The following VAV3 variants were observed in gnomAD, a reference collection of about 807,000 sequenced individuals.
VAV3 encodes the protein guanine nucleotide exchange factor VAV3.
VAV3 carries 94 observed loss-of-function variants against 131.2 expected under a neutral mutation model. The ratio of observed to expected loss-of-function variants is 0.72; its 90% CI spans 0.61 to 0.85. The LOEUF (loss-of-function observed/expected upper bound fraction) is 0.85, where lower values mean the gene tolerates loss of function less well. Ranked by LOEUF, VAV3 falls within the 40% of genes least tolerant of loss-of-function variation. VAV3 has a pLI of 0.00. For missense variants in VAV3, 939 were observed against 1,002.7 expected (o/e 0.94, Z 0.86); for synonymous variants, 349 against 342.0 (o/e 1.02, Z -0.22).
At chr1:107,817,534 G>A (rs1182183580) in intron 2 of VAV3, among the ~76,000 whole-genome samples, 1 of 152,172 alleles carries the variant, frequency 6.6e-6, no homozygotes, top group Non-Finnish European at 1.5e-5. Context: ...AAGCTCATGA[G>A]GAGCAGAGGA....
intron 2 of VAV3, among the ~76,000 whole-genome samples, chr1:107,800,061 A>G (rs1455843265): frequency 2.6e-5 from 4 of 152,306 alleles, no homozygotes; most frequent in African/African-American, 2.4e-5. Flanking sequence ...CATTGTGTAC[A>G]TATATCACAT....
intron 5 of VAV3, 93 bp downstream of exon 5, chr1:107,772,642 A>G: frequency 1.8e-6 from 2 of 1,114,566 alleles, no homozygotes; most frequent in Non-Finnish European, 2.6e-6. Context: ...AAGGTTAAAA[A>G]AAATCCCAGC....
intron 17 of VAV3, among the ~76,000 whole-genome samples, chr1:107,699,824 T>A (rs998420333): frequency 1.3e-5 from 2 of 152,058 alleles, no homozygotes; most frequent in Non-Finnish European, 1.5e-5. Flanking sequence ...AAATACAGCA[T>A]GGACAAGTGG....
chr1:107,573,833 G>A (rs146784491), intron 26 of VAV3, among the ~76,000 whole-genome samples: 1 of 152,298 alleles, frequency 6.6e-6, no homozygotes, highest in African/African-American at 2.4e-5. Flanking sequence ...TTGCCCAGGT[G>A]AATTTTATTT....
At chr1:107,729,233 C>T (rs892194953) in intron 15 of VAV3, among the ~76,000 whole-genome samples, 2 of 151,966 alleles carry the variant, frequency 1.3e-5, no homozygotes, top group African/African-American at 4.8e-5. Flanking sequence ...AAATATTCTC[C>T]GAGAAGAAGC....
intron 17 of VAV3, among the ~76,000 whole-genome samples, chr1:107,699,913 C>T (rs534689785): frequency 2.0e-5 from 3 of 152,204 alleles, no homozygotes; most frequent in South Asian, 2.1e-4. Flanking sequence ...AGGGCGATTC[C>T]GGCTAAACTG....
intron 2 of VAV3, among the ~76,000 whole-genome samples, chr1:107,861,848 AAAGCCT>A (rs1557887627): frequency 6.6e-6 from 1 of 151,700 alleles, no homozygotes; most frequent in East Asian, 1.9e-4. Flanking sequence ...GTAGCAAGGT[AAAGCCT>A]ATACCTAAGG....
chr1:107,602,111 A>G (rs1440996125), intron 24 of VAV3, among the ~76,000 whole-genome samples: 1 of 152,130 alleles, frequency 6.6e-6, no homozygotes, highest in Admixed American at 6.5e-5. Context: ...AGGAAGAAAA[A>G]AAGAGGAAAG....
chr1:107,687,684 C>A (rs190063595), intron 18 of VAV3, among the ~76,000 whole-genome samples: 2 of 152,130 alleles, frequency 1.3e-5, no homozygotes, highest in African/African-American at 4.8e-5. Context: ...TCTATATAAA[C>A]AACATCAAAC....
chr1:107,958,406 C>G (rs910556335), intron 1 of VAV3, among the ~76,000 whole-genome samples: 1 of 152,056 alleles, frequency 6.6e-6, no homozygotes, highest in African/African-American at 2.4e-5. Flanking sequence ...CAGAAACTAA[C>G]TCTTTAAAAT....
At chr1:107,637,347 G>C (rs1017109056) in intron 20 of VAV3, among the ~76,000 whole-genome samples, 5 of 152,008 alleles carry the variant, frequency 3.3e-5, no homozygotes, top group African/African-American at 1.2e-4. Flanking sequence ...TCTAGGCCAG[G>C]CGTGCTGACT....
chr1:107,796,117 G>C (rs1666525303), intron 2 of VAV3, among the ~76,000 whole-genome samples: 1 of 151,796 alleles, frequency 6.6e-6, no homozygotes, highest in South Asian at 2.1e-4. Flanking sequence ...ATAACAAAGT[G>C]ACTCCTTGGA....
rs938911809 is a variant in VAV3, at chr1:107,836,963, C to A, written c.321+37938G>T. 5.9e-5 allele frequency among the ~76,000 whole-genome samples: 9 copies of A among 152,142 alleles called. 1 individual carries two copies. In the South Asian group the frequency reaches 1.9e-3, roughly 32 times the overall value. ...AAACAGGTGGATTCACAGCCAAATTCTTCCTGATGTACAAAGAAAAACTGG... is the reference window on the plus strand; with the variant it reads ...AAACAGGTGGATTCACAGCCAAATTATTCCTGATGTACAAAGAAAAACTGG... On this transcript the variant is annotated intron_variant, in intron 2 of 26. Coordinates refer to ENST00000370056, the MANE Select transcript of VAV3 (RefSeq NM_006113.5).
At chr1:107,770,559 CAGAAGAAACAGTG>C (rs1263200757) in intron 6 of VAV3, 64 bp downstream of exon 6, 12 of 956,004 alleles carry the variant, frequency 1.3e-5, no homozygotes, top group African/African-American at 1.2e-4. Context: ...TACACACCTT[CAGAAGAAACAGTG>C]AGTCTAATAT....
intron 1 of VAV3, among the ~76,000 whole-genome samples, chr1:107,912,656 A>C (rs1170984166): frequency 6.6e-6 from 1 of 152,176 alleles, no homozygotes; most frequent in Non-Finnish European, 1.5e-5. Flanking sequence ...CATGTAAGTT[A>C]GATCTAATTT....
chr1:107,831,239 A>T (rs1668235663), intron 2 of VAV3, among the ~76,000 whole-genome samples: 2 of 152,230 alleles, frequency 1.3e-5, no homozygotes, highest in African/African-American at 2.4e-5. Flanking sequence ...ACATGAAAAA[A>T]TATGTGGAAA....
chr1:107,653,947 A>C (rs1656357663), intron 19 of VAV3, among the ~76,000 whole-genome samples: 1 of 152,080 alleles, frequency 6.6e-6, no homozygotes, highest in Non-Finnish European at 1.5e-5. Context: ...TGAGTTGTGT[A>C]TTCTTTTGAA....
rs34255479 is a variant in VAV3 at position 107,753,549 on chromosome 1, T to C, written c.1173+1878A>G. Among the ~76,000 whole-genome samples, 532 of 82,050 alleles carry C rather than the reference T, an allele frequency of 6.5e-3. 18 individuals are homozygous for C. Among genetic ancestry groups the C allele is most frequent in the East Asian group, 8.8e-3 (23 of 2,622 alleles). The allele number at this position is 82,050 out of a possible 152,430, so 53.8% of individuals were successfully genotyped here. On this transcript the variant is annotated intron_variant, in intron 12 of 26. Transcript: ENST00000370056. ...ATACGTATATATATATATATATATA[T>C]ACACACACACACTTTTTTTTTTGAG...
chr1:107,873,871 C>A (rs139317930), intron 2 of VAV3, among the ~76,000 whole-genome samples: 4 of 152,162 alleles, frequency 2.6e-5, no homozygotes, highest in Non-Finnish European at 5.9e-5. Context: ...GGCCTTCCCC[C>A]ACCCCAGGTA....
Sources: gnomAD v4.1 joint callset for allele counts (sites outside exome capture counted in the v4.1 genomes callset) on GRCh38, gnomAD v4.1.1 for gene constraint, MANE v1.5 for transcripts, NCBI Gene and HGNC (gene_info 2026-07-23, HGNC 2026-07-21) for gene names.